Variants in MIS18A observed in about 807,000 individuals in gnomAD.
The protein encoded by MIS18A is protein Mis18-alpha.
A neutral mutation model predicts 25.0 loss-of-function variants in MIS18A; 14 were observed. The ratio of observed to expected loss-of-function variants is 0.56; its 90% CI spans 0.37 to 0.88. The LOEUF (loss-of-function observed/expected upper bound fraction) is 0.88, where lower values mean the gene tolerates loss of function less well. Ranked by LOEUF, MIS18A falls within the 40% of genes least tolerant of loss-of-function variation. The pLI, the probability that MIS18A is intolerant of heterozygous loss-of-function variation, is 0.00. For missense variants in MIS18A, 292 were observed against 290.8 expected, an observed-to-expected ratio of 1.00 and a Z score of -0.03; for synonymous variants, 134 against 118.6, an observed-to-expected ratio of 1.13 and a Z score of -0.84.
chr21:32,213,927 C>G, the MIS18A span, among the ~76,000 whole-genome samples: 4 of 152,312 alleles, frequency 2.6e-5, no homozygotes, highest in East Asian at 5.8e-4. Context: ...CTTGGGTAAA[C>G]CGGGATAATG....
the MIS18A span, among the ~76,000 whole-genome samples, chr21:32,157,051 TTTC>T: frequency 6.3e-4 from 72 of 113,834 alleles, no homozygotes; most frequent in Non-Finnish European, 1.1e-3. Flanking sequence ...CCTTTCTTTC[TTTC>T]TTTTTTTTTT....
chr21:32,193,468 ATAGATAGATAGG>A, the MIS18A span, among the ~76,000 whole-genome samples: 1,979 of 116,030 alleles, frequency 0.017, 19 homozygotes, highest in South Asian at 0.062. Context: ...TAGGTTGATG[ATAGATAGATAGG>A]TAGATAGATA....
At chr21:32,257,389 A>G in the MIS18A span, among the ~76,000 whole-genome samples, 1 of 152,176 alleles carries the variant, frequency 6.6e-6, no homozygotes, top group African/African-American at 2.4e-5. Context: ...TGATTCAAGA[A>G]TTTCTTCAAG....
downstream of MIS18A, among the ~76,000 whole-genome samples, chr21:32,265,799 T>C (rs1410020837): frequency 1.3e-5 from 2 of 152,376 alleles, no homozygotes; most frequent in Admixed American, 1.3e-4. Flanking sequence ...GGCTCCTGAG[T>C]CTGGTGGGGA....
At chr21:32,184,211 A>G in the MIS18A span, among the ~76,000 whole-genome samples, 1 of 152,210 alleles carries the variant, frequency 6.6e-6, no homozygotes, top group African/African-American at 2.4e-5. Flanking sequence ...AGATTCTGTT[A>G]CTGCCCTCCA....
chr21:32,162,249 A>G, the MIS18A span, among the ~76,000 whole-genome samples: 1 of 152,046 alleles, frequency 6.6e-6, no homozygotes, highest in Non-Finnish European at 1.5e-5. Flanking sequence ...AGCCTCACCG[A>G]CACTGCCAGT....
chr21:32,170,529 G>T, the MIS18A span, among the ~76,000 whole-genome samples: 2 of 151,990 alleles, frequency 1.3e-5, no homozygotes, highest in Non-Finnish European at 2.9e-5. Flanking sequence ...TAGAAGATTT[G>T]AGATGGCAGA....
the MIS18A span, among the ~76,000 whole-genome samples, chr21:32,183,199 T>C: frequency 0.62 from 93,603 of 151,528 alleles, 30,356 homozygotes; most frequent in African/African-American, 0.83. Context: ...CATATTTCAA[T>C]AAAATTATAA....
At chr21:32,277,336 GAAAC>G (rs745509390) in intron 1 of MIS18A, among the ~76,000 whole-genome samples, 7 of 152,118 alleles carry the variant, frequency 4.6e-5, no homozygotes, top group East Asian at 1.9e-4. Flanking sequence ...ACACTCTATC[GAAAC>G]AAACAAATAA....
chr21:32,231,073 C>T, the MIS18A span, among the ~76,000 whole-genome samples: 2 of 151,516 alleles, frequency 1.3e-5, no homozygotes, highest in South Asian at 4.2e-4. Context: ...CCGTCTCTAA[C>T]AAAAAATACA....
chr21:32,267,713 T>G (rs2031630811), downstream of MIS18A, among the ~76,000 whole-genome samples: 1 of 152,132 alleles, frequency 6.6e-6, no homozygotes, highest in Admixed American at 6.5e-5. Flanking sequence ...TTAGAATGCA[T>G]TTTCACACAA....
chr21:32,260,140 T>C, the MIS18A span: 17 of 149,582 alleles, frequency 1.1e-4, no homozygotes, highest in Admixed American at 2.0e-4. Flanking sequence ...AAAGTATGAA[T>C]TGCCTCCAGT....
intron 2 of MIS18A, 138 bp downstream of exon 2, chr21:32,274,692 T>C: frequency 4.6e-6 from 3 of 654,662 alleles, no homozygotes; most frequent in Non-Finnish European, 7.9e-6. Flanking sequence ...AAAAAAGAAC[T>C]GATATATGCG....
At chr21:32,222,349 T>C in the MIS18A span, among the ~76,000 whole-genome samples, 2 of 152,136 alleles carry the variant, frequency 1.3e-5, no homozygotes, top group Admixed American at 1.3e-4. Context: ...AGTGGGAGAC[T>C]TTAGCACCCC....
chr21:32,259,052 G>A, the MIS18A span, among the ~76,000 whole-genome samples: 3 of 151,456 alleles, frequency 2.0e-5, no homozygotes, highest in East Asian at 1.9e-4. Context: ...TAATTTTTTC[G>A]TAGAGTCTTG....
chr21:32,266,017 A>G (rs899371146), downstream of MIS18A, among the ~76,000 whole-genome samples: 4 of 152,114 alleles, frequency 2.6e-5, no homozygotes, highest in Admixed American at 1.3e-4. Context: ...TGCACCAATC[A>G]ACACTCTGTA....
chr21:32,278,511 G>T (rs1176568873), intron 1 of MIS18A, 170 bp downstream of exon 1: 1 of 694,894 alleles, frequency 1.4e-6, no homozygotes, highest in Non-Finnish European at 2.3e-6. Context: ...CCAAAGTGGA[G>T]GGGTGACCCT....
chr21:32,219,556 C>T, the MIS18A span, among the ~76,000 whole-genome samples: 16 of 152,306 alleles, frequency 1.1e-4, no homozygotes, highest in East Asian at 3.9e-4. Flanking sequence ...CAGCCATTTG[C>T]GCAGACACAG....
the MIS18A span, among the ~76,000 whole-genome samples, chr21:32,235,760 T>G: frequency 6.6e-6 from 1 of 152,080 alleles, no homozygotes; most frequent in Non-Finnish European, 1.5e-5. Context: ...CCCACCATCA[T>G]CCATCATTGG....
Sources: gnomAD v4.1 joint callset for allele counts (sites outside exome capture counted in the v4.1 genomes callset) on GRCh38, gnomAD v4.1.1 for gene constraint, MANE v1.5 for transcripts, NCBI Gene and HGNC (gene_info 2026-07-23, HGNC 2026-07-21) for gene names.